Variants in ARMC3 observed in about 807,000 individuals in gnomAD.
ARMC3 encodes armadillo repeat-containing protein 3.
ARMC3 carries 74 observed loss-of-function variants against 90.3 expected under a neutral mutation model. The ratio of observed to expected loss-of-function variants is 0.82; its 90% CI spans 0.68 to 0.99. The LOEUF (loss-of-function observed/expected upper bound fraction) is 0.99, where lower values mean the gene tolerates loss of function less well. Among genes scored for constraint, ARMC3 ranks in the 50% least tolerant of loss-of-function variants. The pLI is 0.00. For missense variants in ARMC3, 958 were observed against 1,042.8 expected, an observed-to-expected ratio of 0.92 and a Z score of 1.12; for synonymous variants, 334 against 361.8, an observed-to-expected ratio of 0.92 and a Z score of 0.87.
rs1011727042 is a variant in ARMC3, at chr10:23,005,452, G to A, written c.1732-1432G>A. 3.3e-5 allele frequency among the ~76,000 whole-genome samples: 5 copies of A among 152,306 alleles called. No individual in the cohort carries two copies. The South Asian group carries it at 8.3e-4, about 25-fold the overall frequency. ...TTGTTATAAGTTTCGGATATTGGAG[G>A]CTGTGAATACGTCAGTGAACAAAGG... On this transcript the variant is annotated intron_variant, in intron 13 of 18. Transcript: ENST00000298032.
chr10:22,990,132 G>A (rs1836636564), intron 10 of ARMC3, among the ~76,000 whole-genome samples: 1 of 151,094 alleles, frequency 6.6e-6, no homozygotes, highest in Non-Finnish European at 1.5e-5. Context: ...CAACATTACT[G>A]ATTTTCAGAG....
intron 2 of ARMC3, among the ~76,000 whole-genome samples, chr10:22,941,636 T>C (rs1834332944): frequency 6.6e-6 from 1 of 152,190 alleles, no homozygotes; most frequent in Non-Finnish European, 1.5e-5. Flanking sequence ...CTATTAGGGA[T>C]TGGCCTTGGA....
chr10:23,022,671 T>A (rs1838558990), intron 16 of ARMC3, among the ~76,000 whole-genome samples: 2 of 152,060 alleles, frequency 1.3e-5, no homozygotes, highest in South Asian at 4.1e-4. Context: ...AGCAAATGCC[T>A]CTTCTGACAG....
chr10:22,942,658 C>T (rs1227975552), intron 2 of ARMC3, among the ~76,000 whole-genome samples: 1 of 152,150 alleles, frequency 6.6e-6, no homozygotes, highest in Non-Finnish European at 1.5e-5. Context: ...TTGATAAAAA[C>T]CACTTTGGAA....
chr10:23,022,285 A>G (rs1838541328), intron 16 of ARMC3, among the ~76,000 whole-genome samples: 1 of 152,226 alleles, frequency 6.6e-6, no homozygotes, highest in South Asian at 2.1e-4. Flanking sequence ...ACATTTGATG[A>G]AAAGCAACAT....
In ARMC3 at chr10:23,003,275, T is replaced by C; in HGVS notation, c.1592T>C (p.Val531Ala). 6.2e-7 allele frequency: 1 copy of C among 1,612,918 alleles called. No homozygotes were observed. Among genetic ancestry groups the C allele is most frequent in the Non-Finnish European group, 8.5e-7 (1 of 1,179,676 alleles). ...TTAGATATCCTTGAAGAAGTTAACG[T>C]ATCAGGAACTCGGAAAAATAAATTC... ...GALDILEEVN[V>A]SGTRKNKFSE... The change falls in exon 13 of 19, where the codon GTA (valine) becomes GCA (alanine). Residue 531 changes from valine to alanine, a missense_variant. Physicochemically the swap from Val to Ala is moderately conservative, Grantham distance 64. Transcript: ENST00000298032.
intron 10 of ARMC3, among the ~76,000 whole-genome samples, chr10:22,988,966 A>G (rs1564374972): frequency 6.6e-6 from 1 of 152,216 alleles, no homozygotes; most frequent in Admixed American, 6.5e-5. Flanking sequence ...TAATATTGCT[A>G]AGGTTGTACA....
At chr10:22,968,519 A>T (rs766252062) in intron 8 of ARMC3, 30 bp downstream of exon 8, 1 of 1,523,488 alleles carries the variant, frequency 6.6e-7, no homozygotes, top group Admixed American at 2.1e-5. Flanking sequence ...ATTTATTTTG[A>T]GATAGGATCT....
chr10:22,968,505 T>TA lies in ARMC3; in HGVS notation c.916+16_916+17insA. 6.5e-7 allele frequency: 1 copy of TA among 1,541,922 alleles called. No homozygotes were observed. The highest frequency in any genetic ancestry group is 1.3e-5 in the South Asian group (1 of 79,004). ...GCTTATGATCGTATGTCTCATTTTA[T>TA]TTTATTTATTTTGAGATAGGATCTT... On this transcript the variant is annotated intron_variant, in intron 8 of 18. Coordinates refer to ENST00000298032, the MANE Select transcript of ARMC3 (RefSeq NM_173081.5).
intron 10 of ARMC3, among the ~76,000 whole-genome samples, chr10:22,986,793 A>G (rs989415179): frequency 1.3e-5 from 2 of 152,142 alleles, no homozygotes; most frequent in African/African-American, 4.8e-5. Flanking sequence ...CCTCCTATTG[A>G]TACTTCTAAT....
intron 8 of ARMC3, among the ~76,000 whole-genome samples, chr10:22,979,414 C>T (rs1410161360): frequency 6.6e-6 from 1 of 152,118 alleles, no homozygotes; most frequent in African/African-American, 2.4e-5. Context: ...TGAGAACAGT[C>T]CCAGCAAGGT....
chr10:22,959,189 C>A (rs377218896), intron 5 of ARMC3, 51 bp downstream of exon 5: 2 of 1,461,602 alleles, frequency 1.4e-6, no homozygotes, highest in Non-Finnish European at 1.9e-6. Flanking sequence ...GTTTTTTACA[C>A]TTGATTAAAC....
chr10:23,005,073 C>T (rs573245617), intron 13 of ARMC3, among the ~76,000 whole-genome samples: 2 of 151,888 alleles, frequency 1.3e-5, no homozygotes, highest in Non-Finnish European at 2.9e-5. Context: ...ATTAGCCGGG[C>T]GTGGTGGCGG....
intron 10 of ARMC3, among the ~76,000 whole-genome samples, chr10:22,983,519 A>T (rs1836281045): frequency 6.6e-6 from 1 of 152,068 alleles, no homozygotes; most frequent in Admixed American, 6.5e-5. Flanking sequence ...TATTTCTTTA[A>T]CCTATTATAT....
intron 17 of ARMC3, 121 bp downstream of exon 17, chr10:23,030,917 T>C: frequency 9.2e-7 from 1 of 1,081,114 alleles, no homozygotes; most frequent in South Asian, 1.9e-5. Flanking sequence ...GCACTCTGAC[T>C]CTGACACAGA....
chr10:22,963,919 A>ACC (rs1835326723), intron 7 of ARMC3, among the ~76,000 whole-genome samples: 2 of 47,356 alleles, frequency 4.2e-5, no homozygotes, highest in African/African-American at 9.1e-5. Flanking sequence ...ACACACACAC[A>ACC]CACAAAAAAA....
chr10:22,958,941 T>A (rs781625904), intron 4 of ARMC3, 129 bp from the exon 5 acceptor site: 33 of 701,430 alleles, frequency 4.7e-5, no homozygotes, highest in Non-Finnish European at 7.2e-5. Flanking sequence ...TAGGCTGGTC[T>A]CGAACTCCTG....
chr10:22,948,274 T>C (rs1834615800), intron 3 of ARMC3, among the ~76,000 whole-genome samples: 1 of 152,174 alleles, frequency 6.6e-6, no homozygotes, highest in Non-Finnish European at 1.5e-5. Context: ...TGTGCATCTA[T>C]GGCAGCATGA....
chr10:22,940,376 G>C (rs954083940), intron 2 of ARMC3, among the ~76,000 whole-genome samples: 11 of 152,222 alleles, frequency 7.2e-5, no homozygotes, highest in African/African-American at 2.7e-4. Context: ...AAACATTTCT[G>C]AGACAAATTA....
Sources: gnomAD v4.1 joint callset for allele counts (sites outside exome capture counted in the v4.1 genomes callset) on GRCh38, gnomAD v4.1.1 for gene constraint, MANE v1.5 for transcripts, NCBI Gene and HGNC (gene_info 2026-07-23, HGNC 2026-07-21) for gene names.